Variants in PLAA observed in about 807,000 individuals in gnomAD.
PLAA encodes the protein phospholipase A-2-activating protein.
In PLAA, 48 loss-of-function variants were observed where a neutral mutation model predicts 84.1. The observed-to-expected ratio is 0.57, with a 90% CI of 0.45 to 0.73. The LOEUF (loss-of-function observed/expected upper bound fraction) is 0.73. Ranked by LOEUF, PLAA falls within the 30% of genes least tolerant of loss-of-function variation. The pLI, the probability that PLAA is intolerant of heterozygous loss-of-function variation, is 0.00. For missense variants in PLAA, 903 were observed against 954.7 expected (o/e 0.95, Z 0.71); for synonymous variants, 392 against 336.6 (o/e 1.16, Z -1.80).
At chr9:26,921,951 T>C (rs966126285) in intron 7 of PLAA, among the ~76,000 whole-genome samples, 1 of 152,226 alleles carries the variant, frequency 6.6e-6, no homozygotes, top group African/African-American at 2.4e-5. Flanking sequence ...TGGCAACATA[T>C]ATTATCAGTT....
chr9:26,919,289 TC>T lies in PLAA; in HGVS notation c.1417+20del, dbSNP rs531553645. Reference sequence around the variant, plus strand: ...CAACACTAATGGAACTACATAAGACTCAATATAAACACTAACTTACCTGTAA... The same window carrying T: ...CAACACTAATGGAACTACATAAGACTAATATAAACACTAACTTACCTGTAA... On this transcript the variant is annotated intron_variant, in intron 9 of 13. Coordinates refer to ENST00000397292, the MANE Select transcript of PLAA (RefSeq NM_001031689.3). The T allele has an allele frequency of 2.8e-4, 419 of 1,486,906 alleles. 2 individuals carry two copies. In the East Asian group the frequency reaches 8.5e-3, roughly 30 times the overall value. 92.1% of individuals were successfully genotyped at this position (1,486,906 alleles called of 1,614,324 possible).
At chr9:26,939,050 A>T (rs1302531155) in intron 1 of PLAA, among the ~76,000 whole-genome samples, 1 of 152,204 alleles carries the variant, frequency 6.6e-6, no homozygotes, top group East Asian at 1.9e-4. Context: ...GTAAACACAC[A>T]CAAAAATAGA....
chr9:26,922,257 T>C (rs1427557700), intron 7 of PLAA, among the ~76,000 whole-genome samples: 1 of 151,764 alleles, frequency 6.6e-6, no homozygotes, highest in East Asian at 1.9e-4. Context: ...ACATGCTTAA[T>C]GGCAAACTGT....
chr9:26,924,084 C>G (rs928767237), intron 6 of PLAA, among the ~76,000 whole-genome samples: 1 of 152,118 alleles, frequency 6.6e-6, no homozygotes, highest in Non-Finnish European at 1.5e-5. Flanking sequence ...AAAAATAAAA[C>G]ACCCACTTTA....
At chr9:26,946,825 G>C in intron 1 of PLAA, 72 bp downstream of exon 1, 1 of 1,468,998 alleles carries the variant, frequency 6.8e-7, no homozygotes, top group Non-Finnish European at 9.1e-7. Flanking sequence ...GACTGACAGG[G>C]AAGGGTCACT....
intron 11 of PLAA, among the ~76,000 whole-genome samples, chr9:26,912,721 A>ATC (rs2131369957): frequency 6.6e-6 from 1 of 152,324 alleles, no homozygotes; most frequent in South Asian, 2.1e-4. Context: ...TCTAGGAAGT[A>ATC]GATATGACCT....
chr9:26,910,060 G>A (rs79276921), intron 12 of PLAA, among the ~76,000 whole-genome samples: 10,547 of 152,140 alleles, frequency 0.069, 512 homozygotes, highest in African/African-American at 0.14. Context: ...AAAACATTAA[G>A]AGCCTGGGTG....
intron 2 of PLAA, 93 bp from the exon 3 acceptor site, chr9:26,928,501 T>A (rs1458173808): frequency 1.2e-6 from 1 of 866,238 alleles, no homozygotes; most frequent in Non-Finnish European, 1.9e-6. Context: ...AAAAACACTC[T>A]TTGAAGTGGC....
At chr9:26,938,687 A>C (rs1825434744) in intron 1 of PLAA, among the ~76,000 whole-genome samples, 1 of 152,188 alleles carries the variant, frequency 6.6e-6, no homozygotes, top group African/African-American at 2.4e-5. Flanking sequence ...ATATGAAGAA[A>C]TAAAGATCTC....
chr9:26,924,758 A>G (rs1374949989), intron 6 of PLAA, among the ~76,000 whole-genome samples: 1 of 152,172 alleles, frequency 6.6e-6, no homozygotes, highest in Non-Finnish European at 1.5e-5. Flanking sequence ...TACTAATGGT[A>G]TATCATAAAA....
chr9:26,946,482 T>A (rs1825718565), intron 1 of PLAA, among the ~76,000 whole-genome samples: 2 of 150,300 alleles, frequency 1.3e-5, no homozygotes, highest in African/African-American at 4.9e-5. Flanking sequence ...AAAAATTAAA[T>A]TTTACAGAAG....
At chr9:26,929,720 G>A (rs926832986) in intron 2 of PLAA, among the ~76,000 whole-genome samples, 3 of 152,120 alleles carry the variant, frequency 2.0e-5, no homozygotes, top group Non-Finnish European at 4.4e-5. Flanking sequence ...TGTTTGCTCT[G>A]ATTATCCTAT....
Position 26,928,299 on chromosome 9 carries a change from C to A in PLAA, c.444+9G>T. ...TATTCTTTAGAATATTTACACAGAACTACTGTACCTGCAAGGTCATCATGC... is the reference window on the plus strand; with the variant it reads ...TATTCTTTAGAATATTTACACAGAAATACTGTACCTGCAAGGTCATCATGC... On this transcript the variant is annotated intron_variant, in intron 3 of 13. Coordinates refer to ENST00000397292, the MANE Select transcript of PLAA (RefSeq NM_001031689.3). The A allele has an allele frequency of 6.2e-7, 1 of 1,613,724 alleles. No homozygotes were observed. The highest frequency in any genetic ancestry group is 2.2e-5 in the East Asian group (1 of 44,886).
intron 2 of PLAA, among the ~76,000 whole-genome samples, chr9:26,929,705 ATGAG>A (rs1326412102): frequency 6.6e-6 from 1 of 152,238 alleles, no homozygotes; most frequent in East Asian, 1.9e-4. Flanking sequence ...CCTCTTCTGA[ATGAG>A]TGTTTGCTCT....
rs932834634 is a variant in PLAA, at chr9:26,903,396, G to A, written c.*2115C>T. On this transcript the variant is annotated 3_prime_UTR_variant, in exon 14 of 14. Transcript: ENST00000397292. ...ATGATAGAATATTGTATTTATTAAT[G>A]TGGAGCTCTTTGTACCAAATATAAG... Among the ~76,000 whole-genome samples, 6 of 152,194 alleles carry A rather than the reference G, an allele frequency of 3.9e-5. No individual in the cohort carries two copies. The highest frequency in any genetic ancestry group is 1.4e-4 in the African/African-American group (6 of 41,434).
intron 6 of PLAA, among the ~76,000 whole-genome samples, chr9:26,925,063 A>T (rs1044927832): frequency 6.6e-6 from 1 of 152,110 alleles, no homozygotes; most frequent in Non-Finnish European, 1.5e-5. Flanking sequence ...CTTTTCTTTC[A>T]TACTTTTTCT....
rs1472964288 is a variant in PLAA at position 26,946,992 on chromosome 9, C to G, written c.54G>C (p.Glu18Asp). The change falls in exon 1 of 14, where the codon GAG becomes GAC. Residue 18 changes from glutamate to aspartate, a missense_variant. Glu to Asp is a conservative substitution (Grantham distance 45). Coordinates refer to ENST00000397292, the MANE Select transcript of PLAA (RefSeq NM_001031689.3). ...YRLSCSLRGH[E>D]LDVRGLVCCA... Reference sequence around the variant, plus strand: ...AGCACACCAGGCCCCGTACGTCCAGCTCGTGGCCCCGGAGCGAGCAGCTCA... The same window carrying G: ...AGCACACCAGGCCCCGTACGTCCAGGTCGTGGCCCCGGAGCGAGCAGCTCA... The G allele has an allele frequency of 6.3e-7, 1 of 1,594,860 alleles. No homozygotes were observed. Among genetic ancestry groups the G allele is most frequent in the African/African-American group, 1.3e-5 (1 of 74,532 alleles).
Position 26,906,122 on chromosome 9 carries a change from T to C in PLAA, c.1823-46A>G, listed in dbSNP as rs374776539. ...TTAATGCTTATGAAAATAAAGAAAA[T>C]TTCTTTTGACTATCGACTTTGAAGG... On this transcript the variant is annotated intron_variant, in intron 13 of 13. Coordinates refer to ENST00000397292, the MANE Select transcript of PLAA (RefSeq NM_001031689.3). The C allele has an allele frequency of 2.7e-5, 35 of 1,274,442 alleles. 1 individual carries two copies. The African/African-American group carries it at 3.5e-4, about 13-fold the overall frequency. 78.9% of individuals were successfully genotyped at this position (1,274,442 alleles called of 1,614,324 possible). A position where few individuals can be genotyped will look rare whatever the true frequency, so the allele number is the denominator to read the frequency against.
intron 13 of PLAA, among the ~76,000 whole-genome samples, chr9:26,906,423 C>CTTTTT (rs35324777): frequency 6.3e-5 from 6 of 95,062 alleles, no homozygotes; most frequent in East Asian, 3.5e-4. Flanking sequence ...AGGGAAAGTT[C>CTTTTT]TTTTTTTTTT....
Sources: allele counts gnomAD v4.1 joint callset (sites outside exome capture counted in the v4.1 genomes callset), GRCh38; gene constraint gnomAD v4.1.1; transcripts MANE v1.5; gene names NCBI Gene and HGNC (gene_info 2026-07-23, HGNC 2026-07-21).